CLN6: variants seen among roughly 807,000 people sequenced by gnomAD.
The protein encoded by CLN6 is CLN6 transmembrane ER protein.
In CLN6, 22 loss-of-function variants were observed where a neutral mutation model predicts 33.3. The observed-to-expected ratio is 0.66, with a 90% CI of 0.47 to 0.94. The LOEUF is 0.94. CLN6 is among the 40% of genes least tolerant of loss of function. The probability of loss-of-function intolerance (pLI) is 0.00; values close to 1 mark genes in which losing one functional copy is unlikely to be tolerated. For missense variants in CLN6, 387 were observed against 417.1 expected (o/e 0.93, Z 0.63); for synonymous variants, 201 against 174.6 (o/e 1.15, Z -1.19).
chr15:68,233,793 A>C (rs1403685079), upstream of CLN6, among the ~76,000 whole-genome samples: 1 of 152,228 alleles, frequency 6.6e-6, no homozygotes, highest in Admixed American at 6.5e-5. The surrounding 1 kb of genome is among the most constrained non-coding windows in gnomAD (Gnocchi z 4.3). Context: ...AGTGTGGGCA[A>C]CAAGACTGTG....
rs1249522942 is a variant in CLN6 at position 68,256,765 on chromosome 15, C to T, written c.104G>A (p.Arg35Gln). 1.4e-6 allele frequency: 1 copy of T among 701,994 alleles called. No individual in the cohort carries two copies. Among genetic ancestry groups the T allele is most frequent in the South Asian group, 1.5e-5 (1 of 67,578 alleles). The allele number at this position is 701,994 out of a possible 1,614,324, so 43.5% of individuals were successfully genotyped here. A position where few individuals can be genotyped will look rare whatever the true frequency, so the allele number is the denominator to read the frequency against. ...CGCCTGCGCCAGTGGCTTGAAGGCT[C>T]GGCTCAAGCCCGCCTCGCCTCCCTC... The change falls in exon 1 of 7, where the codon CGA becomes CAA. Residue 35 changes from arginine (R) to glutamine (Q), a missense_variant. Physicochemically the swap from Arg to Gln is conservative, Grantham distance 43. Transcript: ENST00000538696. The surrounding 1 kb of genome is among the most constrained non-coding windows in gnomAD (Gnocchi z 4.1).
rs1892278386 is a variant in CLN6 at position 68,241,273 on chromosome 15, G to T, written c.179+15417C>A. 6.6e-6 allele frequency among the ~76,000 whole-genome samples: 1 copy of T among 151,794 alleles called. No individual in the cohort carries two copies. The highest frequency in any genetic ancestry group is 2.4e-5 in the African/African-American group (1 of 41,404). On this transcript the variant is annotated intron_variant, in intron 1 of 6. Transcript: ENST00000538696. This position sits in a 1 kb window ranked among gnomAD's most constrained non-coding sequence, Gnocchi z 4.2. ...ACAGAAAACCAAAAACAAATACACA[G>T]TGCTGAGATGATCAGCACTATGCCA...
Position 68,209,613 on chromosome 15 carries a change from GC to G in CLN6, c.665+23del, listed in dbSNP as rs1241585532. On this transcript the variant is annotated intron_variant, in intron 6 of 6. Transcript: ENST00000249806. The surrounding 1 kb of genome is among the most constrained non-coding windows in gnomAD (Gnocchi z 4.9). ...TGGCTCTCTCAGTGCCCCTGCCTCT[GC>G]CCCCATGCTGATGTCCACTCACCAG... is the stretch of plus-strand genomic sequence containing the variant. 1.2e-6 allele frequency: 2 copies of G among 1,611,074 alleles called. No homozygotes were observed. Among genetic ancestry groups the G allele is most frequent in the Non-Finnish European group, 1.7e-6 (2 of 1,179,662 alleles).
chr15:68,233,371 T>C (rs1892185701), upstream of CLN6, among the ~76,000 whole-genome samples: 3 of 152,204 alleles, frequency 2.0e-5, no homozygotes, highest in South Asian at 6.2e-4. The surrounding 1 kb of genome is among the most constrained non-coding windows in gnomAD (Gnocchi z 4.3). Context: ...TCTCCCCTTA[T>C]GGTTACAAGG....
Position 68,211,219 on chromosome 15 carries a change from G to A in CLN6, c.542+44C>T, listed in dbSNP as rs199898033. ...CCCTGAGCCAGTGACAGGGCTAGCC[G>A]GTAGTTGGGGCCCCTGGGATAGACA... On this transcript the variant is annotated intron_variant, in intron 5 of 6. Transcript: ENST00000249806. The surrounding 1 kb of genome is among the most constrained non-coding windows in gnomAD (Gnocchi z 5.9). 3.6e-4 allele frequency: 561 copies of A among 1,565,478 alleles called. 2 individuals are homozygous for A. The African/African-American group carries it at 6.2e-3, about 17-fold the overall frequency.
chr15:68,250,221 C>T (rs530748513), intron 1 of CLN6, among the ~76,000 whole-genome samples: 122 of 152,054 alleles, frequency 8.0e-4, no homozygotes, highest in African/African-American at 2.8e-3. Flanking sequence ...AAAATATGTA[C>T]ATCTATTATA....
intron 2 of CLN6, chr15:68,215,519 T>G (rs2093218368): frequency 6.6e-6 from 1 of 152,188 alleles, no homozygotes; most frequent in Non-Finnish European, 1.5e-5. Flanking sequence ...TTCTTTTTTA[T>G]TGAGATGAGG....
At chr15:68,214,496 C>T in intron 2 of CLN6, 108 bp from the exon 3 acceptor site, 1 of 736,958 alleles carries the variant, frequency 1.4e-6, no homozygotes, top group East Asian at 2.7e-5. Context: ...CTTTCACCCC[C>T]CACCCCATCA....
At position 68,229,578 on chromosome 15, in the gene CLN6, C is replaced by T. The variant is rs1213645017; in HGVS notation, c.7G>A (p.Ala3Thr). The change falls in exon 1 of 7, where the codon GCG (alanine) becomes ACG (threonine). Residue 3 changes from alanine (A) to threonine (T), a missense_variant. Coordinates refer to ENST00000249806, the MANE Select transcript of CLN6 (RefSeq NM_017882.3). ...CCCAGGTGCTGCCGCCTCCGCGTCG[C>T]CTCCATGGCTGCCCCGCAGGCCCCT... ME[A>T]TRRRQHLGAT... 1.4e-6 allele frequency: 2 copies of T among 1,465,416 alleles called. No homozygotes were observed. Among genetic ancestry groups the T allele is most frequent in the African/African-American group, 1.5e-5 (1 of 67,896 alleles). 90.8% of individuals were successfully genotyped at this position (1,465,416 alleles called of 1,614,324 possible).
chr15:68,250,492 G>A (rs1892367676), intron 1 of CLN6, among the ~76,000 whole-genome samples: 1 of 152,026 alleles, frequency 6.6e-6, no homozygotes, highest in South Asian at 2.1e-4. Context: ...GGGCTTAGTG[G>A]CGCATGCCTG....
intron 1 of CLN6, among the ~76,000 whole-genome samples, chr15:68,225,769 T>C (rs892461124): frequency 2.0e-5 from 3 of 151,480 alleles, no homozygotes; most frequent in African/African-American, 7.3e-5. Context: ...GGTCAGGAGT[T>C]AGAGACCAGC....
At chr15:68,221,167 GT>G (rs1178685198) in intron 1 of CLN6, among the ~76,000 whole-genome samples, 1 of 152,000 alleles carries the variant, frequency 6.6e-6, no homozygotes, top group African/African-American at 2.4e-5. Context: ...TTGCTATTCT[GT>G]TTTTGATTAC....
chr15:68,226,335 A>AG (rs2093251860), intron 1 of CLN6, among the ~76,000 whole-genome samples: 1 of 151,930 alleles, frequency 6.6e-6, no homozygotes. Flanking sequence ...AAAAAAAAAA[A>AG]AGAGTCTGGA....
rs2093200811 is a variant in CLN6, at chr15:68,210,203, C to T, written c.543-444G>A. ...AAGCACTGCACCCACTCTCAGCACA[C>T]AGCCCCACCCCCACCTCAGACACCT... is the stretch of plus-strand genomic sequence containing the variant. On this transcript the variant is annotated intron_variant, in intron 5 of 6. Transcript: ENST00000249806. The surrounding 1 kb of genome is among the most constrained non-coding windows in gnomAD (Gnocchi z 5.6). Among the ~76,000 whole-genome samples, 1 of 152,200 alleles carries T rather than the reference C, an allele frequency of 6.6e-6. No individual in the cohort carries two copies. The highest frequency in any genetic ancestry group is 3.4e-3 in the Middle Eastern group (1 of 294).
chr15:68,213,878 G>C (rs1321991448), intron 3 of CLN6: 2 of 234,944 alleles, frequency 8.5e-6, no homozygotes, highest in Non-Finnish European at 1.7e-5. Context: ...AGCTGCTGCT[G>C]CTGCCTCTCC....
chr15:68,243,084 C>T (rs538523265), intron 1 of CLN6, among the ~76,000 whole-genome samples: 8 of 152,256 alleles, frequency 5.3e-5, no homozygotes, highest in Admixed American at 2.0e-4. Context: ...CACAGAAATA[C>T]GGCTTTTGTT....
At chr15:68,230,737 C>T (rs901955686), upstream of CLN6, among the ~76,000 whole-genome samples, 3 of 152,162 alleles carry the variant, frequency 2.0e-5, no homozygotes, top group Non-Finnish European at 4.4e-5. The surrounding 1 kb of genome is among the most constrained non-coding windows in gnomAD (Gnocchi z 4.0). Context: ...TACAATAGCC[C>T]GTCTCGAGAC....
At position 68,256,596 on chromosome 15, in the gene CLN6, T is replaced by C; in HGVS notation, c.179+94A>G. On this transcript the variant is annotated intron_variant, in intron 1 of 6. Transcript: ENST00000538696. The surrounding 1 kb of genome is among the most constrained non-coding windows in gnomAD (Gnocchi z 4.1). Reference sequence around the variant, plus strand: ...GGGATCCCCACACACGTGGCTGGCTTCAGGGGTGTGGGCAGTGCAGTCGCA... The same window carrying C: ...GGGATCCCCACACACGTGGCTGGCTCCAGGGGTGTGGGCAGTGCAGTCGCA... 3.5e-6 allele frequency: 2 copies of C among 565,052 alleles called. No homozygotes were observed. Among genetic ancestry groups the C allele is most frequent in the Non-Finnish European group, 6.3e-6 (2 of 315,424 alleles). The allele number at this position is 565,052 out of a possible 1,614,324, so 35.0% of individuals were successfully genotyped here.
At chr15:68,249,319 G>A (rs1892355217) in intron 1 of CLN6, among the ~76,000 whole-genome samples, 1 of 152,204 alleles carries the variant, frequency 6.6e-6, no homozygotes. Context: ...TTCCACCACT[G>A]GGTATATATC....
Sources: gnomAD v4.1 joint callset for allele counts (sites outside exome capture counted in the v4.1 genomes callset) on GRCh38, gnomAD v4.1.1 for gene constraint, Gnocchi (gnomAD v3.1) non-coding constraint, MANE v1.5 for transcripts, NCBI Gene and HGNC (gene_info 2026-07-23, HGNC 2026-07-21) for gene names.